ALDH5A1: variants seen among roughly 807,000 people sequenced by gnomAD.
ALDH5A1 encodes the protein succinate-semialdehyde dehydrogenase, mitochondrial.
ALDH5A1 carries 33 observed loss-of-function variants against 54.7 expected under a neutral mutation model. That is an observed-to-expected ratio of 0.60 (90% CI 0.46 to 0.81). The LOEUF is 0.81. ALDH5A1 is among the 30% of genes least tolerant of loss of function. The probability of loss-of-function intolerance (pLI) is 0.00; values close to 1 mark genes in which losing one functional copy is unlikely to be tolerated. For synonymous variants in ALDH5A1, 294 were observed against 292.7 expected (o/e 1.00, Z -0.05); for missense variants, 657 against 711.0 (o/e 0.92, Z 0.86).
Position 24,500,684 on chromosome 6 carries a change from G to A in ALDH5A1, c.355-1839G>A, listed in dbSNP as rs913354911. 5.9e-4 allele frequency among the ~76,000 whole-genome samples: 70 copies of A among 119,458 alleles called. 1 individual carries two copies. The highest frequency in any genetic ancestry group is 1.0e-3 in the African/African-American group (33 of 32,522). 78.4% of individuals were successfully genotyped at this position (119,458 alleles called of 152,430 possible). On this transcript the variant is annotated intron_variant, in intron 1 of 9. Coordinates refer to ENST00000357578, the MANE Select transcript of ALDH5A1 (RefSeq NM_001080.3). ...TAATAATAATAATAATAATAATAAC[G>A]TAGGGAACTATATACCTTTGTATGG...
At chr6:24,526,887 T>TTC (rs1759809946) in intron 7 of ALDH5A1, among the ~76,000 whole-genome samples, 1 of 72,590 alleles carries the variant, frequency 1.4e-5, no homozygotes. Context: ...TATATATATA[T>TTC]TCTATATATA....
At chr6:24,511,846 T>C (rs1759467216) in intron 4 of ALDH5A1, 1 of 570,760 alleles carries the variant, frequency 1.8e-6, no homozygotes, top group Non-Finnish European at 3.2e-6. Context: ...CAGGGATTTC[T>C]TCTTGATTTG....
chr6:24,503,472 T>C, intron 3 of ALDH5A1, 39 bp downstream of exon 3: 1 of 1,603,374 alleles, frequency 6.2e-7, no homozygotes. Context: ...GGTGGGAGAT[T>C]GGATAGGGAG....
chr6:24,502,600 T>C lies in ALDH5A1; in HGVS notation c.432T>C (p.Ala144=), dbSNP rs746895751. ...NKDDLARIIT[A]ESGKPLKEAH... is the part of the protein sequence containing the mutation. ...ATGACCTTGCCAGAATAATCACAGC[T>C]GAAAGTGTAAGTTCAGGGTTCTGGC... is the stretch of plus-strand genomic sequence containing the variant. The change falls in exon 2 of 10, where the codon GCT becomes GCC. Residue 144 remains alanine (A), a synonymous_variant. Coordinates refer to ENST00000357578, the MANE Select transcript of ALDH5A1 (RefSeq NM_001080.3). The C allele has an allele frequency of 1.3e-5, 21 of 1,612,180 alleles. No individual in the cohort carries two copies. In the Admixed American group the frequency reaches 3.3e-4, roughly 26 times the overall value.
At chr6:24,495,388 G>T in intron 1 of ALDH5A1, 38 bp downstream of exon 1, 2 of 1,525,556 alleles carry the variant, frequency 1.3e-6, no homozygotes, top group Non-Finnish European at 1.8e-6. Flanking sequence ...GAGCTGGCCG[G>T]GGACACGGCG....
chr6:24,495,361 C>T lies in ALDH5A1; in HGVS notation c.354+11C>T. ...GAGGTCTCCGCCAAGGTGAGAGAGC[C>T]CGGATGCAGGGGGCCAGAGCTGGCC... On this transcript the variant is annotated intron_variant, in intron 1 of 9. Coordinates refer to ENST00000357578, the MANE Select transcript of ALDH5A1 (RefSeq NM_001080.3). 2.0e-6 allele frequency: 3 copies of T among 1,532,204 alleles called. No individual in the cohort carries two copies. The highest frequency in any genetic ancestry group is 2.6e-6 in the Non-Finnish European group (3 of 1,145,912). The allele number at this position is 1,532,204 out of a possible 1,614,324, so 94.9% of individuals were successfully genotyped here. A position where few individuals can be genotyped will look rare whatever the true frequency, so the allele number is the denominator to read the frequency against.
intron 5 of ALDH5A1, among the ~76,000 whole-genome samples, chr6:24,519,194 C>G (rs1015289400): frequency 1.3e-5 from 2 of 151,906 alleles, no homozygotes; most frequent in Non-Finnish European, 2.9e-5. Context: ...TGGAAACAAC[C>G]TAAATGTCCA....
chr6:24,521,053 G>A (rs7760139), intron 6 of ALDH5A1, among the ~76,000 whole-genome samples: 1 of 152,166 alleles, frequency 6.6e-6, no homozygotes, highest in African/African-American at 2.4e-5. Context: ...GTTGAGGAGG[G>A]TGGTGGCTGG....
intron 1 of ALDH5A1, among the ~76,000 whole-genome samples, chr6:24,501,149 T>C (rs1018581315): frequency 3.0e-4 from 45 of 152,254 alleles, no homozygotes; most frequent in African/African-American, 9.9e-4. Context: ...AAGATGTATA[T>C]AACATGATGT....
chr6:24,528,104 T>A lies in ALDH5A1; in HGVS notation c.1281T>A (p.Asn427Lys). 1 of 1,614,122 alleles carries A rather than the reference T, an allele frequency of 6.2e-7. No individual in the cohort carries two copies. The highest frequency in any genetic ancestry group is 8.5e-7 in the Non-Finnish European group (1 of 1,179,980). Residue 427 changes from asparagine to lysine, a missense_variant, in exon 8 of 10, where the codon AAT (asparagine) becomes AAA (lysine). Asn to Lys is a moderately conservative substitution (Grantham distance 94, BLOSUM62 0). Around this residue, in one of 2 missense-constraint regions of ALDH5A1, gnomAD observed 425 missense variants for 516.4 expected, o/e 0.82. Transcript: ENST00000357578. ...TCTTTGAGCCTACCCTGCTGTGCAA[T>A]GTCACCCAGGACATGCTGTGCACTC... ...KNFFEPTLLC[N>K]VTQDMLCTHE... is the part of the protein sequence containing the mutation.
At position 24,522,933 on chromosome 6, in the gene ALDH5A1, T is replaced by G. The variant is rs769321258; in HGVS notation, c.1173+8T>G. On this transcript the variant is annotated splice_region_variant and intron_variant, in intron 7 of 9. Coordinates refer to ENST00000357578, the MANE Select transcript of ALDH5A1 (RefSeq NM_001080.3). ...GAAAAAGCGGTAGAAAAGGTAAGTA[T>G]ATTGTATTATTTGTGAAAGTAAATT... is the stretch of plus-strand genomic sequence containing the variant. 2 of 1,612,916 alleles carry G rather than the reference T, an allele frequency of 1.2e-6. No individual in the cohort carries two copies. The highest frequency in any genetic ancestry group is 3.3e-5 in the Admixed American group (2 of 59,928).
intron 8 of ALDH5A1, 75 bp downstream of exon 8, chr6:24,528,241 G>A: frequency 1.3e-6 from 2 of 1,566,782 alleles, no homozygotes; most frequent in South Asian, 2.3e-5. Context: ...AGAGATTCCT[G>A]GGCTGCTTTG....
chr6:24,511,888 G>T lies in ALDH5A1; in HGVS notation c.727-3279G>T, dbSNP rs775524432. 3 of 596,382 alleles carry T rather than the reference G, an allele frequency of 5.0e-6. No individual in the cohort carries two copies. In the South Asian group the frequency reaches 6.8e-5, roughly 14 times the overall value. The allele number at this position is 596,382 out of a possible 1,614,324, so 36.9% of individuals were successfully genotyped here. A position where few individuals can be genotyped will look rare whatever the true frequency, so the allele number is the denominator to read the frequency against. ...TTGTTGGTGAGCTCATGTGATTTTT[G>T]GGGGGTGTTAAAGAATCTTGTTTTT... On this transcript the variant is annotated intron_variant, in intron 4 of 9. Coordinates refer to ENST00000357578, the MANE Select transcript of ALDH5A1 (RefSeq NM_001080.3).
At position 24,501,917 on chromosome 6, in the gene ALDH5A1, GTA is replaced by G. The variant is rs1168614051; in HGVS notation, c.355-596_355-595del. ...TATATGTGTGTGTGTGTGTGTGGGT[GTA>G]TATATATATGTGTGTGTGTGTATAT... On this transcript the variant is annotated intron_variant, in intron 1 of 9. Coordinates refer to ENST00000357578, the MANE Select transcript of ALDH5A1 (RefSeq NM_001080.3). Among the ~76,000 whole-genome samples the G allele has an allele frequency of 4.6e-5, 5 of 108,320 alleles. No individual in the cohort carries two copies. The South Asian group carries it at 8.1e-4, about 18-fold the overall frequency. The allele number at this position is 108,320 out of a possible 152,430, so 71.1% of individuals were successfully genotyped here. A position where few individuals can be genotyped will look rare whatever the true frequency, so the allele number is the denominator to read the frequency against.
In ALDH5A1 at chr6:24,520,404, C is replaced by T. The variant is rs1325393372; in HGVS notation, c.874C>T (p.Leu292=). The T allele has an allele frequency of 6.2e-7, 1 of 1,614,034 alleles. No individual in the cohort carries two copies. The highest frequency in any genetic ancestry group is 8.5e-7 in the Non-Finnish European group (1 of 1,180,018). Residue 292 remains leucine, a synonymous_variant, in exon 6 of 10, where the codon CTG becomes TTG. Transcript: ENST00000357578. ...GCTTTCTCTCCTCTGCTCACAGATC[C>T]TGTTGCACCACGCAGCAAACTCTGT... is the stretch of plus-strand genomic sequence containing the variant. The part of the protein sequence containing the change: ...FTGSTTTGKI[L]LHHAANSVKR...
chr6:24,526,906 A>ATATATATATATCTAC (rs1759812929), intron 7 of ALDH5A1, among the ~76,000 whole-genome samples: 1 of 33,290 alleles, frequency 3.0e-5, no homozygotes, highest in African/African-American at 4.6e-5. Flanking sequence ...TATATCTACT[A>ATATATATATATCTAC]TATATATATT....
At chr6:24,495,401 G>A (rs1191982698) in intron 1 of ALDH5A1, 51 bp downstream of exon 1, 6 of 1,507,052 alleles carry the variant, frequency 4.0e-6, no homozygotes, top group Non-Finnish European at 5.3e-6. Context: ...ACACGGCGGG[G>A]AGCAGAGGGG....
chr6:24,499,663 C>CTTTTTTTTTTT (rs201732598), intron 1 of ALDH5A1, among the ~76,000 whole-genome samples: 1 of 124,930 alleles, frequency 8.0e-6, no homozygotes, highest in African/African-American at 3.2e-5. Context: ...CAGATAATTT[C>CTTTTTTTTTTT]TTTTCTTTTT....
At chr6:24,504,744 C>CA in intron 3 of ALDH5A1, 125 bp from the exon 4 acceptor site, 1 of 952,580 alleles carries the variant, frequency 1.0e-6, no homozygotes, top group East Asian at 2.4e-5. Flanking sequence ...CTCACCTGTG[C>CA]AGCCAAACGG....
Sources: allele counts gnomAD v4.1 joint callset (sites outside exome capture counted in the v4.1 genomes callset), GRCh38; gene constraint gnomAD v4.1.1; regional missense constraint gnomAD v4.1.1; transcripts MANE v1.5; gene names NCBI Gene and HGNC (gene_info 2026-07-23, HGNC 2026-07-21).